FXYD3: variants seen among roughly 807,000 people sequenced by gnomAD.
FXYD3 encodes the protein FXYD domain containing ion transport regulator 3, also known as FXYD domain-containing ion transport regulator 3.
Under a neutral mutation model 19.2 loss-of-function variants are expected in FXYD3, and 13 were observed. The observed-to-expected ratio is 0.68, with a 90% CI of 0.44 to 1.08. The LOEUF is 1.08. FXYD3 is among the 50% of genes least tolerant of loss of function. The pLI, the probability that FXYD3 is intolerant of heterozygous loss-of-function variation, is 0.00. For missense variants in FXYD3, 101 were observed against 109.4 expected, an observed-to-expected ratio of 0.92 and a Z score of 0.34; for synonymous variants, 48 against 38.9, an observed-to-expected ratio of 1.23 and a Z score of -0.87.
intron 2 of FXYD3, chr19:35,117,397 G>T (rs765289899): frequency 2.0e-4 from 288 of 1,465,570 alleles, no homozygotes; most frequent in Non-Finnish European, 2.4e-4. Flanking sequence ...CAACAGCCAT[G>T]GCGACAGAGC....
At chr19:35,120,988 C>A (rs1294239963) in intron 3 of FXYD3, 90 bp from the exon 4 acceptor site, 2 of 1,433,954 alleles carry the variant, frequency 1.4e-6, no homozygotes, top group Non-Finnish European at 1.9e-6. Flanking sequence ...AGACCCTTTC[C>A]CAAGGCCCCT....
At position 35,116,358 on chromosome 19, in the gene FXYD3, AGGTGAGCAGCTGG is replaced by A. The variant is rs1600435485; in HGVS notation, c.-15+2_-15+14del. ...CTCTGCTCAGCCTGGTGAACCACAC[AGGTGAGCAGCTGG>A]GGCCCCTTCCTCCAAGCCCTCCTTG... On this transcript the variant is annotated splice_donor_variant and splice_donor_5th_base_variant and 5_prime_UTR_variant and intron_variant, in exon 2 of 9. Coordinates refer to ENST00000604404, the MANE Select transcript of FXYD3 (RefSeq NM_005971.4). LOFTEE classifies it low-confidence loss of function (5UTR_SPLICE). 6 of 985,508 alleles carry A rather than the reference AGGTGAGCAGCTGG, an allele frequency of 6.1e-6. No individual in the cohort carries two copies. The East Asian group carries it at 6.8e-4, about 112-fold the overall frequency. 61.0% of individuals were successfully genotyped at this position (985,508 alleles called of 1,614,324 possible). A position where few individuals can be genotyped will look rare whatever the true frequency, so the allele number is the denominator to read the frequency against.
At chr19:35,116,736 G>T (rs2064894076) in intron 2 of FXYD3, 1 of 985,338 alleles carries the variant, frequency 1.0e-6, no homozygotes, top group South Asian at 4.7e-5. Context: ...ATGGACTGGG[G>T]ACATCTGGGT....
Sources: allele counts gnomAD v4.1 joint callset, GRCh38; gene constraint gnomAD v4.1.1; transcripts MANE v1.5; gene names NCBI Gene and HGNC (gene_info 2026-07-23, HGNC 2026-07-21).